Variants in CIMIP5 observed in about 807,000 individuals in gnomAD.
CIMIP5 encodes uncharacterized protein C2orf50.
At chr2:11,144,014 T>C in the CIMIP5 span, 2 of 1,607,672 alleles carry the variant, frequency 1.2e-6, no homozygotes, top group Non-Finnish European at 1.7e-6. Flanking sequence ...GGCAGCAGGC[T>C]GGACACACCC....
the CIMIP5 span, chr2:11,140,652 A>G: frequency 3.9e-3 from 3,538 of 901,698 alleles, 83 homozygotes; most frequent in African/African-American, 0.053. Context: ...TACACCAGAT[A>G]CTGGATGTGC....
chr2:11,134,236 A>G, the CIMIP5 span, among the ~76,000 whole-genome samples: 1 of 152,220 alleles, frequency 6.6e-6, no homozygotes, highest in Non-Finnish European at 1.5e-5. Context: ...CTAAAAAACA[A>G]AACAAAGAAT....
the CIMIP5 span, among the ~76,000 whole-genome samples, chr2:11,135,898 AAT>A: frequency 6.6e-6 from 1 of 152,044 alleles, no homozygotes; most frequent in African/African-American, 2.4e-5. Flanking sequence ...ATCATCTTTT[AAT>A]ATATTTATTT....
chr2:11,147,649 G>A, the CIMIP5 span, among the ~76,000 whole-genome samples: 13 of 152,142 alleles, frequency 8.5e-5, no homozygotes, highest in Non-Finnish European at 1.9e-4. Context: ...ACATCACAAG[G>A]GTGCAAGGGC....
the CIMIP5 span, among the ~76,000 whole-genome samples, chr2:11,154,138 G>T: frequency 6.6e-6 from 1 of 151,894 alleles, no homozygotes; most frequent in Non-Finnish European, 1.5e-5. Context: ...CACCACGCTC[G>T]GCTAATTTTT....
the CIMIP5 span, among the ~76,000 whole-genome samples, chr2:11,142,862 A>G: frequency 6.6e-6 from 1 of 151,654 alleles, no homozygotes; most frequent in Non-Finnish European, 1.5e-5. Context: ...TGGGGCTTAC[A>G]TGCACGTGCC....
chr2:11,152,840 C>T, the CIMIP5 span, among the ~76,000 whole-genome samples: 1 of 151,760 alleles, frequency 6.6e-6, no homozygotes, highest in Non-Finnish European at 1.5e-5. Context: ...GACCCAAACG[C>T]CTTCCTGCAT....
At chr2:11,152,758 C>T in the CIMIP5 span, among the ~76,000 whole-genome samples, 1 of 152,190 alleles carries the variant, frequency 6.6e-6, no homozygotes, top group South Asian at 2.1e-4. Flanking sequence ...CGCAGATCAG[C>T]TGTTTTGAGG....
At chr2:11,136,231 T>A in the CIMIP5 span, among the ~76,000 whole-genome samples, 3 of 152,254 alleles carry the variant, frequency 2.0e-5, no homozygotes, top group Admixed American at 6.5e-5. Context: ...CTTCTTCCTA[T>A]GTTTTTGACT....
the CIMIP5 span, among the ~76,000 whole-genome samples, chr2:11,138,641 G>A: frequency 6.6e-6 from 1 of 152,158 alleles, no homozygotes; most frequent in Non-Finnish European, 1.5e-5. Context: ...GATCATGCGG[G>A]TGGCTTCTCA....
the CIMIP5 span, among the ~76,000 whole-genome samples, chr2:11,154,244 G>T: frequency 3.6e-3 from 548 of 152,286 alleles, 4 homozygotes; most frequent in African/African-American, 0.012. Context: ...GGTCAATAAC[G>T]ATCAGTATCG....
At chr2:11,147,717 TCTGCAATGAC>T in the CIMIP5 span, among the ~76,000 whole-genome samples, 1 of 152,350 alleles carries the variant, frequency 6.6e-6, no homozygotes, top group Non-Finnish European at 1.5e-5. Context: ...CTTTCTGTAC[TCTGCAATGAC>T]CTGTCATCAC....
the CIMIP5 span, chr2:11,146,393 CAATG>C: frequency 6.6e-6 from 1 of 152,158 alleles, no homozygotes; most frequent in Admixed American, 6.5e-5. Flanking sequence ...CTTTAATCCT[CAATG>C]AATTGATTCC....
the CIMIP5 span, among the ~76,000 whole-genome samples, chr2:11,137,524 G>A: frequency 2.3e-4 from 35 of 152,212 alleles, no homozygotes; most frequent in African/African-American, 6.5e-4. Flanking sequence ...AATTAAAAAC[G>A]TAGAGAAACT....
the CIMIP5 span, among the ~76,000 whole-genome samples, chr2:11,152,785 A>G: frequency 6.6e-6 from 1 of 152,050 alleles, no homozygotes; most frequent in African/African-American, 2.4e-5. Flanking sequence ...TCCAAGCAGA[A>G]GAGCTGGCAT....
chr2:11,152,388 G>A, the CIMIP5 span, among the ~76,000 whole-genome samples: 1 of 152,220 alleles, frequency 6.6e-6, no homozygotes, highest in African/African-American at 2.4e-5. Flanking sequence ...CCCAAGGTTG[G>A]TTCAGCCTAT....
At chr2:11,140,679 C>A in the CIMIP5 span, 1 of 615,452 alleles carries the variant, frequency 1.6e-6, no homozygotes, top group Non-Finnish European at 2.6e-6. Context: ...GAGTCAAATA[C>A]ACTCTTGTTT....
the CIMIP5 span, chr2:11,133,290 T>TCTCC: frequency 6.5e-7 from 1 of 1,533,710 alleles, no homozygotes; most frequent in Non-Finnish European, 8.6e-7. Context: ...GGTCTCTCTC[T>TCTCC]CTCTCTCTCT....
the CIMIP5 span, among the ~76,000 whole-genome samples, chr2:11,141,345 T>C: frequency 6.6e-6 from 1 of 151,920 alleles, no homozygotes; most frequent in Non-Finnish European, 1.5e-5. Context: ...GCCAGGCTGG[T>C]CTCGAACTCC....
Sources: gnomAD v4.1 joint callset for allele counts (sites outside exome capture counted in the v4.1 genomes callset) on GRCh38, gnomAD v4.1.1 for gene constraint, MANE v1.5 for transcripts, NCBI Gene and HGNC (gene_info 2026-07-23, HGNC 2026-07-21) for gene names.